The following SLCO6A1 variants were observed in gnomAD, a reference collection of about 807,000 sequenced individuals.
SLCO6A1 encodes the protein cancer/testis antigen 48.
Under a neutral mutation model 72.7 loss-of-function variants are expected in SLCO6A1, and 65 were observed. That is an observed-to-expected ratio of 0.89 (90% CI 0.73 to 1.10). SLCO6A1 has a LOEUF of 1.10. Among genes scored for constraint, SLCO6A1 ranks in the 50% least tolerant of loss-of-function variants. SLCO6A1 has a pLI of 0.00. For synonymous variants in SLCO6A1, 314 were observed against 298.2 expected (o/e 1.05, Z -0.55); for missense variants, 874 against 872.6 (o/e 1.00, Z -0.02).
chr5:102,443,276 C>T (rs1749941821), intron 6 of SLCO6A1, among the ~76,000 whole-genome samples: 1 of 152,166 alleles, frequency 6.6e-6, no homozygotes, highest in African/African-American at 2.4e-5. Flanking sequence ...ATTCAACTTA[C>T]TTCTGTCTCC....
Position 102,456,360 on chromosome 5 carries a change from T to C in SLCO6A1, c.1131+2022A>G, listed in dbSNP as rs868386354. ...ATGATTGTATATCTAGAAAACCCCA[T>C]TGTCTCAGCCCAAAATCTCCTTAAG... On this transcript the variant is annotated intron_variant, in intron 6 of 13. Coordinates refer to ENST00000506729, the MANE Select transcript of SLCO6A1 (RefSeq NM_173488.5). Among the ~76,000 whole-genome samples, 19 of 152,152 alleles carry C rather than the reference T, an allele frequency of 1.2e-4. No individual in the cohort carries two copies. In the South Asian group the frequency reaches 1.5e-3, roughly 12 times the overall value.
chr5:102,485,957 C>G (rs1752428040), intron 1 of SLCO6A1, among the ~76,000 whole-genome samples: 1 of 152,156 alleles, frequency 6.6e-6, no homozygotes, highest in African/African-American at 2.4e-5. Context: ...AGCTCAAAAA[C>G]AAGCACTGTT....
Position 102,442,816 on chromosome 5 carries a change from C to A in SLCO6A1, c.1132-4055G>T, listed in dbSNP as rs182602265. Among the ~76,000 whole-genome samples, 1,258 of 152,314 alleles carry A rather than the reference C, an allele frequency of 8.3e-3. 12 individuals carry two copies. The highest frequency in any genetic ancestry group is 0.015 in the Non-Finnish European group (1,008 of 68,036). On this transcript the variant is annotated intron_variant, in intron 6 of 13. Transcript: ENST00000506729. Reference sequence around the variant, plus strand: ...CAGTGGCTCATGCCTGTATTCCCAGCACTTTGGGAGGCCGAGGTGGGCGGC... The same window carrying A: ...CAGTGGCTCATGCCTGTATTCCCAGAACTTTGGGAGGCCGAGGTGGGCGGC...
chr5:102,477,643 T>C, intron 3 of SLCO6A1, 33 bp downstream of exon 3: 1 of 1,573,602 alleles, frequency 6.4e-7, no homozygotes, highest in Non-Finnish European at 8.6e-7. Context: ...AAACTCAAAA[T>C]GGGTCAATCG....
intron 1 of SLCO6A1, among the ~76,000 whole-genome samples, chr5:102,482,896 G>A (rs2112838140): frequency 6.6e-6 from 1 of 152,250 alleles, no homozygotes; most frequent in South Asian, 2.1e-4. Flanking sequence ...CCTGCCTCCA[G>A]GTAACTGGTT....
At chr5:102,373,750 CTG>C (rs1471530478) in intron 12 of SLCO6A1, among the ~76,000 whole-genome samples, 3 of 152,090 alleles carry the variant, frequency 2.0e-5, no homozygotes, top group African/African-American at 7.2e-5. Context: ...ACCTCATAGA[CTG>C]TGTTAATTCT....
At chr5:102,475,612 T>C (rs1751854241) in intron 4 of SLCO6A1, 85 bp downstream of exon 4, 1 of 787,754 alleles carries the variant, frequency 1.3e-6, no homozygotes, top group South Asian at 2.1e-5. Flanking sequence ...ACAAATTAAA[T>C]ATATATATTT....
chr5:102,481,451 G>T (rs890039493), intron 1 of SLCO6A1, among the ~76,000 whole-genome samples: 2 of 152,114 alleles, frequency 1.3e-5, no homozygotes, highest in Non-Finnish European at 2.9e-5. Flanking sequence ...TCTTCCCTTT[G>T]CCCTTTTTCA....
intron 1 of SLCO6A1, among the ~76,000 whole-genome samples, chr5:102,492,334 C>T (rs1752720018): frequency 6.6e-6 from 1 of 151,874 alleles, no homozygotes; most frequent in Non-Finnish European, 1.5e-5. Flanking sequence ...AACACTGCAG[C>T]AGAAATGAAA....
chr5:102,475,744 T>C lies in SLCO6A1; in HGVS notation c.852A>G (p.Leu284=), dbSNP rs759507465. 1.2e-6 allele frequency: 2 copies of C among 1,609,482 alleles called. No homozygotes were observed. The highest frequency in any genetic ancestry group is 1.7e-6 in the Non-Finnish European group (2 of 1,177,586). The change falls in exon 4 of 14, where the codon CTA becomes CTG. Residue 284 remains leucine, a synonymous_variant. Transcript: ENST00000506729. The stretch of plus-strand genomic sequence containing the variant: ...CAGGGACTTTAACTAGTGGTGCTCC[T>C]AGCACATAACCCAGAGCATATCCAA... ...SMIGYALGYV[L]GAPLVKVPEN...
intron 6 of SLCO6A1, among the ~76,000 whole-genome samples, chr5:102,446,334 G>A (rs1252101328): frequency 4.6e-5 from 7 of 151,982 alleles, no homozygotes; most frequent in Admixed American, 2.6e-4. Flanking sequence ...TGTGGCTATC[G>A]TGAATGGGAT....
chr5:102,391,074 G>A, intron 10 of SLCO6A1, 29 bp from the exon 11 acceptor site: 1 of 1,583,922 alleles, frequency 6.3e-7, no homozygotes, highest in Non-Finnish European at 8.7e-7. Flanking sequence ...GATATAATCA[G>A]CACATCATTG....
At chr5:102,481,333 A>G (rs556756706) in intron 1 of SLCO6A1, among the ~76,000 whole-genome samples, 1 of 152,298 alleles carries the variant, frequency 6.6e-6, no homozygotes, top group Admixed American at 6.5e-5. Context: ...CATGGGCTCT[A>G]TAGTGCTGAT....
chr5:102,497,587 T>C (rs558959773), intron 1 of SLCO6A1, among the ~76,000 whole-genome samples: 1 of 152,314 alleles, frequency 6.6e-6, no homozygotes, highest in African/African-American at 2.4e-5. Flanking sequence ...TAACCTGTTT[T>C]TGAAACTACC....
intron 1 of SLCO6A1, among the ~76,000 whole-genome samples, chr5:102,493,644 G>T (rs1752783918): frequency 6.6e-6 from 1 of 152,136 alleles, no homozygotes; most frequent in African/African-American, 2.4e-5. Context: ...AGCCTAGCCA[G>T]TGGAATAAAG....
At chr5:102,378,138 T>G (rs1426498609) in intron 12 of SLCO6A1, among the ~76,000 whole-genome samples, 2 of 152,044 alleles carry the variant, frequency 1.3e-5, no homozygotes, top group East Asian at 3.8e-4. Flanking sequence ...TCATAGTGAT[T>G]TGCAAAGTAA....
chr5:102,490,743 T>C (rs938916696), intron 1 of SLCO6A1, among the ~76,000 whole-genome samples: 1 of 152,082 alleles, frequency 6.6e-6, no homozygotes, highest in Non-Finnish European at 1.5e-5. Flanking sequence ...CATCTGGAGT[T>C]GTTCGTTCCT....
intron 12 of SLCO6A1, among the ~76,000 whole-genome samples, chr5:102,386,077 C>T (rs924457135): frequency 2.0e-5 from 3 of 152,168 alleles, no homozygotes; most frequent in African/African-American, 4.8e-5. Context: ...GGCATTGGAT[C>T]TGCACTTTTG....
intron 7 of SLCO6A1, among the ~76,000 whole-genome samples, chr5:102,427,026 A>G (rs1748930517): frequency 6.6e-6 from 1 of 152,104 alleles, no homozygotes; most frequent in African/African-American, 2.4e-5. Flanking sequence ...AACAGGAAAT[A>G]AAACATCACA....
Sources: gnomAD v4.1 joint callset for allele counts (sites outside exome capture counted in the v4.1 genomes callset) on GRCh38, gnomAD v4.1.1 for gene constraint, MANE v1.5 for transcripts, NCBI Gene and HGNC (gene_info 2026-07-23, HGNC 2026-07-21) for gene names.